Variants in MTG1 observed in about 807,000 individuals in gnomAD.
MTG1 encodes mitochondrial ribosome-associated GTPase 1.
Under a neutral mutation model 39.5 loss-of-function variants are expected in MTG1, and 30 were observed. The ratio of observed to expected loss-of-function variants is 0.76; its 90% CI spans 0.57 to 1.03. The LOEUF (loss-of-function observed/expected upper bound fraction) is 1.03. Ranked by LOEUF, MTG1 falls within the 50% of genes least tolerant of loss-of-function variation. The pLI is 0.00. For missense variants in MTG1, 513 were observed against 447.4 expected (o/e 1.15, Z -1.32); for synonymous variants, 217 against 179.0 (o/e 1.21, Z -1.69).
intron 7 of MTG1, 101 bp downstream of exon 7, chr10:133,401,691 C>T (rs1317636944): frequency 5.3e-6 from 6 of 1,133,748 alleles, no homozygotes; most frequent in Non-Finnish European, 6.6e-6. Context: ...ACCACGCTTC[C>T]CTCCCCTCCA....
At chr10:133,410,618 G>A (rs1850033318) in intron 9 of MTG1, among the ~76,000 whole-genome samples, 1 of 152,160 alleles carries the variant, frequency 6.6e-6, no homozygotes, top group Non-Finnish European at 1.5e-5. Flanking sequence ...AAGTTATTTA[G>A]TTATTTTAGC....
intron 9 of MTG1, among the ~76,000 whole-genome samples, chr10:133,410,734 C>T (rs571048325): frequency 2.7e-3 from 417 of 152,266 alleles, no homozygotes; most frequent in Admixed American, 3.9e-3. Flanking sequence ...ATCGTGCCAT[C>T]GCACTTCAGC....
chr10:133,398,764 A>T (rs1429906130), intron 4 of MTG1, among the ~76,000 whole-genome samples: 2 of 152,122 alleles, frequency 1.3e-5, no homozygotes, highest in Non-Finnish European at 1.5e-5. Flanking sequence ...CAGGTAGCTC[A>T]TGTTTCCAGT....
intron 9 of MTG1, among the ~76,000 whole-genome samples, chr10:133,409,673 A>G (rs552454524): frequency 1.1e-4 from 17 of 152,266 alleles, no homozygotes; most frequent in African/African-American, 3.9e-4. Flanking sequence ...CAATCTATCA[A>G]TGTTTGCTTT....
rs1438239965 is a variant in MTG1, at chr10:133,419,575, A to G, written c.848A>G (p.Lys283Arg). 6.2e-7 allele frequency: 1 copy of G among 1,606,590 alleles called. No homozygotes were observed. The highest frequency in any genetic ancestry group is 1.8e-4 in the Middle Eastern group (1 of 5,686). The change falls in exon 10 of 11, where the codon AAG becomes AGG. Residue 283 changes from lysine (K) to arginine (R), a missense_variant. Coordinates refer to ENST00000317502, the MANE Select transcript of MTG1 (RefSeq NM_138384.4). ...AAGCTGGGGAAGACGCAGAAGGTGA[A>G]GGTGCTCACGGGCACGGGTGAGTGA... is the stretch of plus-strand genomic sequence containing the variant. ...AVKLGKTQKV[K>R]VLTGTGNVNI... is the part of the protein sequence containing the mutation.
At chr10:133,397,484 T>C (rs11101737) in intron 3 of MTG1, among the ~76,000 whole-genome samples, 1 of 126,882 alleles carries the variant, frequency 7.9e-6, no homozygotes. Flanking sequence ...TCTTATTTTC[T>C]TTTTTTTTTT....
chr10:133,396,211 A>G lies in MTG1; in HGVS notation c.226A>G (p.Lys76Glu), dbSNP rs1031949373. ...TCTGTTTCAGGAAACCCTTGGGCTT[A>G]AGCCTCACTTGCTGGTCCTCAACAA... Reference protein sequence around the residue: ...NPLFQETLGLKPHLLVLNKMD... With the variant: ...NPLFQETLGLEPHLLVLNKMD... Residue 76 changes from lysine (K) to glutamate (E), a missense_variant, in exon 3 of 11, where the codon AAG (lysine) becomes GAG (glutamate). Lys to Glu is a moderately conservative substitution (Grantham distance 56). Coordinates refer to ENST00000317502, the MANE Select transcript of MTG1 (RefSeq NM_138384.4). 5.6e-6 allele frequency: 9 copies of G among 1,614,184 alleles called. No homozygotes were observed. Among genetic ancestry groups the G allele is most frequent in the Non-Finnish European group, 7.6e-6 (9 of 1,180,026 alleles).
rs1195269277 is a variant in MTG1 at position 133,395,755 on chromosome 10, T to G, written c.155T>G (p.Ile52Ser). The change falls in exon 2 of 11, where the codon ATC becomes AGC. Residue 52 changes from isoleucine to serine, a missense_variant. By Grantham distance (142) the Ile-to-Ser change is moderately radical (BLOSUM62 -2). Coordinates refer to ENST00000317502, the MANE Select transcript of MTG1 (RefSeq NM_138384.4). ...AGCAGCCTGAAGCTGGTGGACTGTA[T>G]CATCGAGGTCCACGATGCCCGGATA... ...MQSSLKLVDC[I>S]IEVHDARIPL... 2 of 1,613,992 alleles carry G rather than the reference T, an allele frequency of 1.2e-6. No homozygotes were observed. Among genetic ancestry groups the G allele is most frequent in the Non-Finnish European group, 8.5e-7 (1 of 1,180,032 alleles).
chr10:133,412,627 T>A (rs1850063584), intron 9 of MTG1, among the ~76,000 whole-genome samples: 1 of 152,232 alleles, frequency 6.6e-6, no homozygotes, highest in South Asian at 2.1e-4. Flanking sequence ...TTTTTGTTCC[T>A]GATCTAAGGT....
intron 4 of MTG1, 67 bp downstream of exon 4, chr10:133,398,582 GT>G: frequency 1.3e-6 from 2 of 1,504,356 alleles, no homozygotes; most frequent in Non-Finnish European, 1.8e-6. Context: ...ATTATAAACT[GT>G]TTTATGCTTT....
rs758683369 is a variant in MTG1 at position 133,419,597 on chromosome 10, G to A, written c.865+5G>A. 24 of 1,593,058 alleles carry A rather than the reference G, an allele frequency of 1.5e-5. No homozygotes were observed. The highest frequency in any genetic ancestry group is 1.4e-4 in the South Asian group (12 of 87,954). ...TGAAGGTGCTCACGGGCACGGGTGAGTGAGGTCGCTGATGCGGGCACCGGA... is the reference window on the plus strand; with the variant it reads ...TGAAGGTGCTCACGGGCACGGGTGAATGAGGTCGCTGATGCGGGCACCGGA... On this transcript the variant is annotated splice_donor_5th_base_variant and intron_variant, in intron 10 of 10. Coordinates refer to ENST00000317502, the MANE Select transcript of MTG1 (RefSeq NM_138384.4).
At chr10:133,413,714 T>C (rs985965440) in intron 9 of MTG1, among the ~76,000 whole-genome samples, 1 of 152,208 alleles carries the variant, frequency 6.6e-6, no homozygotes, top group Non-Finnish European at 1.5e-5. Flanking sequence ...CTTACAATAA[T>C]GCATTTCTGT....
At chr10:133,394,591 C>G in intron 1 of MTG1, 1 of 1,311,880 alleles carries the variant, frequency 7.6e-7, no homozygotes, top group South Asian at 2.0e-5. Context: ...TGCTTGACCT[C>G]CTACCTCTGG....
chr10:133,398,358 C>T lies in MTG1; in HGVS notation c.283-77C>T, dbSNP rs186524990. On this transcript the variant is annotated intron_variant, in intron 3 of 10. Transcript: ENST00000317502. ...GAGGTTGCAGGGAGCCGAGATTGTG[C>T]TACTGCACTCCAGCCTGGGTGACAG... is the stretch of plus-strand genomic sequence containing the variant. 3.0e-4 allele frequency: 436 copies of T among 1,436,298 alleles called. 7 individuals are homozygous for T. In the East Asian group the frequency reaches 1.0e-2, roughly 33 times the overall value. The allele number at this position is 1,436,298 out of a possible 1,614,324, so 89.0% of individuals were successfully genotyped here. A position where few individuals can be genotyped will look rare whatever the true frequency, so the allele number is the denominator to read the frequency against.
rs767576574 is a variant in MTG1, at chr10:133,419,573, G to A, written c.846G>A (p.Val282=). The A allele has an allele frequency of 6.2e-7, 1 of 1,607,352 alleles. No homozygotes were observed. Among genetic ancestry groups the A allele is most frequent in the Non-Finnish European group, 8.5e-7 (1 of 1,177,254 alleles). The change falls in exon 10 of 11, where the codon GTG becomes GTA. Residue 282 remains valine (V), a synonymous_variant. Coordinates refer to ENST00000317502, the MANE Select transcript of MTG1 (RefSeq NM_138384.4). ...TGAAGCTGGGGAAGACGCAGAAGGT[G>A]AAGGTGCTCACGGGCACGGGTGAGT... ...VAVKLGKTQK[V]KVLTGTGNVN... is the part of the protein sequence containing the mutation.
At chr10:133,406,573 T>C (rs551266982) in intron 9 of MTG1, among the ~76,000 whole-genome samples, 91 of 151,980 alleles carry the variant, frequency 6.0e-4, no homozygotes, top group African/African-American at 1.8e-3. Context: ...TGAGGTCTTA[T>C]ACAAAAAAAA....
Position 133,396,349 on chromosome 10 carries a change from A to G in MTG1, c.282+82A>G, listed in dbSNP as rs966872459. 5.8e-6 allele frequency: 7 copies of G among 1,214,004 alleles called. No individual in the cohort carries two copies. The African/African-American group carries it at 9.0e-5, about 16-fold the overall frequency. The allele number at this position is 1,214,004 out of a possible 1,614,324, so 75.2% of individuals were successfully genotyped here. On this transcript the variant is annotated intron_variant, in intron 3 of 10. Transcript: ENST00000317502. ...CTTGTTCTAACGGAAGAGTTGCCGGACGCACACTTGTCAGTTTGCCCAGGC... is the reference window on the plus strand; with the variant it reads ...CTTGTTCTAACGGAAGAGTTGCCGGGCGCACACTTGTCAGTTTGCCCAGGC...
In MTG1 at chr10:133,396,228, C is replaced by G. The variant is rs772510315; in HGVS notation, c.243C>G (p.Val81=). ...ETLGLKPHLL[V]LNKMDLADLT... ...TTGGGCTTAAGCCTCACTTGCTGGT[C>G]CTCAACAAGATGGACTTGGCGGATC... is the stretch of plus-strand genomic sequence containing the variant. The change falls in exon 3 of 11, where the codon GTC becomes GTG. Residue 81 remains valine, a synonymous_variant. Transcript: ENST00000317502. The G allele has an allele frequency of 6.2e-6, 10 of 1,614,048 alleles. No individual in the cohort carries two copies. The Admixed American group carries it at 1.7e-4, about 27-fold the overall frequency.
intron 9 of MTG1, among the ~76,000 whole-genome samples, chr10:133,417,851 A>C (rs927281101): frequency 1.3e-3 from 193 of 152,362 alleles, no homozygotes; most frequent in African/African-American, 4.2e-3. Context: ...AGAACTACAA[A>C]CCACTGCTCA....
Sources: allele counts gnomAD v4.1 joint callset (sites outside exome capture counted in the v4.1 genomes callset), GRCh38; gene constraint gnomAD v4.1.1; transcripts MANE v1.5; gene names NCBI Gene and HGNC (gene_info 2026-07-23, HGNC 2026-07-21).